Variants in USP49 observed in about 807,000 individuals in gnomAD.
USP49 encodes the protein ubiquitin carboxyl-terminal hydrolase 49.
Under a neutral mutation model 58.6 loss-of-function variants are expected in USP49, and 24 were observed. The observed-to-expected ratio is 0.41, with a 90% CI of 0.30 to 0.58. USP49 has a LOEUF of 0.58. USP49 is among the 20% of genes least tolerant of loss of function. The pLI is 0.30. For synonymous variants in USP49, 408 were observed against 365.1 expected (o/e 1.12, Z -1.34); for missense variants, 703 against 866.1 (o/e 0.81, Z 2.36).
At chr6:41,878,706 T>C (rs1774546980) in intron 2 of USP49, among the ~76,000 whole-genome samples, 1 of 152,218 alleles carries the variant, frequency 6.6e-6, no homozygotes. Flanking sequence ...AGCAATTTTG[T>C]CAGCAAAGCA....
At chr6:41,878,715 CAAT>C (rs1217653213) in intron 2 of USP49, among the ~76,000 whole-genome samples, 5 of 152,116 alleles carry the variant, frequency 3.3e-5, no homozygotes, top group Admixed American at 3.3e-4. Flanking sequence ...GTCAGCAAAG[CAAT>C]AATTTTAATG....
chr6:41,845,862 T>C (rs113735207), intron 3 of USP49, among the ~76,000 whole-genome samples: 2 of 152,172 alleles, frequency 1.3e-5, no homozygotes, highest in African/African-American at 4.8e-5. Flanking sequence ...ACATGCAGGA[T>C]TGTTTCTTTG....
chr6:41,891,475 G>A (rs1463736940), intron 2 of USP49, among the ~76,000 whole-genome samples: 1 of 152,148 alleles, frequency 6.6e-6, no homozygotes, highest in Non-Finnish European at 1.5e-5. Flanking sequence ...GATTGCCATT[G>A]AGGAGTAAAC....
intron 3 of USP49, among the ~76,000 whole-genome samples, chr6:41,828,134 C>T (rs1293451883): frequency 2.0e-5 from 3 of 152,086 alleles, no homozygotes; most frequent in African/African-American, 4.8e-5. Context: ...CACATAAGAA[C>T]TTACCAAAAC....
intron 3 of USP49, among the ~76,000 whole-genome samples, chr6:41,825,441 A>G (rs1773521485): frequency 2.3e-5 from 2 of 86,508 alleles, no homozygotes; most frequent in African/African-American, 5.7e-5. Context: ...CACTTAAAAG[A>G]AAAAAAAAAA....
intron 3 of USP49, among the ~76,000 whole-genome samples, chr6:41,851,035 A>C (rs1774018643): frequency 6.6e-6 from 1 of 152,230 alleles, no homozygotes; most frequent in Non-Finnish European, 1.5e-5. Context: ...CCAGGACCAG[A>C]TGGCTTCACT....
In USP49 at chr6:41,791,868, A is replaced by T. The variant is rs1772803694; in HGVS notation, c.*4665T>A. Reference sequence around the variant, plus strand: ...CGCTTTTCAGCTTTAGCACTGACTTAAAAAGTCTGAACCACCAGGAAGATG... The same window carrying T: ...CGCTTTTCAGCTTTAGCACTGACTTTAAAAGTCTGAACCACCAGGAAGATG... On this transcript the variant is annotated 3_prime_UTR_variant, in exon 8 of 8. Transcript: ENST00000682992. 1 of 152,234 alleles carries T rather than the reference A, an allele frequency of 6.6e-6. No homozygotes were observed. The highest frequency in any genetic ancestry group is 2.4e-5 in the African/African-American group (1 of 41,456). 9.4% of individuals were successfully genotyped at this position (152,234 alleles called of 1,614,324 possible).
At chr6:41,891,327 T>A (rs1407558655) in intron 2 of USP49, among the ~76,000 whole-genome samples, 1 of 152,246 alleles carries the variant, frequency 6.6e-6, no homozygotes, top group East Asian at 1.9e-4. Context: ...AAACATAGTA[T>A]TATTTGTAAT....
At chr6:41,839,931 G>A (rs919224463) in intron 3 of USP49, among the ~76,000 whole-genome samples, 3 of 151,860 alleles carry the variant, frequency 2.0e-5, no homozygotes, top group Admixed American at 1.3e-4. Context: ...CTCAGAAATT[G>A]CCACTAAAGA....
At chr6:41,854,936 C>T (rs1373730706) in intron 3 of USP49, among the ~76,000 whole-genome samples, 1 of 151,882 alleles carries the variant, frequency 6.6e-6, no homozygotes, top group Non-Finnish European at 1.5e-5. Context: ...ACATGCCTGG[C>T]TAATTTTTAT....
intron 2 of USP49, among the ~76,000 whole-genome samples, chr6:41,878,896 C>T (rs1473755878): frequency 1.3e-5 from 2 of 152,116 alleles, no homozygotes; most frequent in Non-Finnish European, 2.9e-5. Context: ...CCCAGGATCA[C>T]AAAGCAAGGA....
chr6:41,816,155 AAGAG>A (rs953886906), intron 3 of USP49, among the ~76,000 whole-genome samples: 18 of 152,180 alleles, frequency 1.2e-4, no homozygotes, highest in African/African-American at 4.3e-4. Flanking sequence ...TCTGTCTAAA[AAGAG>A]AGAGAGACAC....
chr6:41,880,223 C>A (rs188492723), intron 2 of USP49, among the ~76,000 whole-genome samples: 178 of 151,472 alleles, frequency 1.2e-3, no homozygotes, highest in Non-Finnish European at 1.5e-3. Context: ...GTTCAAGACA[C>A]CCCCCAGAAA....
intron 2 of USP49, among the ~76,000 whole-genome samples, chr6:41,879,395 AT>A (rs556713046): frequency 4.7e-4 from 70 of 149,074 alleles, no homozygotes; most frequent in East Asian, 9.8e-4. Context: ...CACCTGGTTA[AT>A]TTTTTTTTTT....
rs1479710834 is a variant in USP49 at position 41,792,171 on chromosome 6, C to CA, written c.*4361dup. ...CAGCGCCATCTCAGTCAGCGCCTGC[C>CA]AGGGAAAGGGCATGGAGAGCTGGGA... On this transcript the variant is annotated 3_prime_UTR_variant, in exon 8 of 8. Coordinates refer to ENST00000682992, the MANE Select transcript of USP49 (RefSeq NM_001286554.2). The CA allele has an allele frequency of 1.3e-5, 2 of 152,262 alleles. No individual in the cohort carries two copies. Among genetic ancestry groups the CA allele is most frequent in the African/African-American group, 4.8e-5 (2 of 41,454 alleles). The allele number at this position is 152,262 out of a possible 1,614,324, so 9.4% of individuals were successfully genotyped here.
At chr6:41,841,929 C>T (rs1046685365) in intron 3 of USP49, among the ~76,000 whole-genome samples, 4 of 152,036 alleles carry the variant, frequency 2.6e-5, no homozygotes, top group African/African-American at 9.7e-5. Flanking sequence ...TGGTGGCGCC[C>T]GCCTGTAATC....
intron 3 of USP49, among the ~76,000 whole-genome samples, chr6:41,857,821 G>A (rs1208849516): frequency 6.6e-6 from 1 of 152,102 alleles, no homozygotes; most frequent in African/African-American, 2.4e-5. Flanking sequence ...TGTAACACAG[G>A]CATTACATGC....
At chr6:41,880,548 TCA>T (rs1186221611) in intron 2 of USP49, among the ~76,000 whole-genome samples, 3 of 152,136 alleles carry the variant, frequency 2.0e-5, no homozygotes, top group Non-Finnish European at 2.9e-5. Context: ...CAGAACATCA[TCA>T]GACTTCTCGT....
At position 41,803,019 on chromosome 6, in the gene USP49, T is replaced by C. The variant is rs1264897706; in HGVS notation, c.1561+787A>G. 1.3e-5 allele frequency among the ~76,000 whole-genome samples: 2 copies of C among 152,340 alleles called. No homozygotes were observed. The highest frequency in any genetic ancestry group is 3.9e-4 in the East Asian group (2 of 5,182). ...TTCTTGGTTCCACTGTACCAATCTT[T>C]AGCATCACTTTTGACAGACATTAAG... On this transcript the variant is annotated intron_variant, in intron 5 of 7. Transcript: ENST00000682992. The surrounding 1 kb of genome is among the most constrained non-coding windows in gnomAD (Gnocchi z 4.1).
Sources: gnomAD v4.1 joint callset for allele counts (sites outside exome capture counted in the v4.1 genomes callset) on GRCh38, gnomAD v4.1.1 for gene constraint, Gnocchi (gnomAD v3.1) non-coding constraint, MANE v1.5 for transcripts, NCBI Gene and HGNC (gene_info 2026-07-23, HGNC 2026-07-21) for gene names.